ZRANB3: variants seen among roughly 807,000 people sequenced by gnomAD.
ZRANB3 encodes the protein zinc finger RANBP2-type containing 3.
Under a neutral mutation model 133.8 loss-of-function variants are expected in ZRANB3, and 125 were observed. The observed-to-expected ratio is 0.93, with a 90% CI of 0.81 to 1.08. ZRANB3 has a LOEUF of 1.08. Among genes scored for constraint, ZRANB3 ranks in the 50% least tolerant of loss-of-function variants. The probability of loss-of-function intolerance (pLI) is 0.00; values close to 1 mark genes in which losing one functional copy is unlikely to be tolerated. For synonymous variants in ZRANB3, 387 were observed against 432.7 expected, an observed-to-expected ratio of 0.89 and a Z score of 1.31; for missense variants, 1,229 against 1,275.5, an observed-to-expected ratio of 0.96 and a Z score of 0.56.
chr2:135,232,420 C>T (rs567715822), intron 12 of ZRANB3, among the ~76,000 whole-genome samples: 2 of 152,306 alleles, frequency 1.3e-5, no homozygotes, highest in South Asian at 2.1e-4. Context: ...CTTAAATGTC[C>T]CTGTCTGACA....
Position 135,500,827 on chromosome 2 carries a change from G to A in ZRANB3, c.161+3502C>T, listed in dbSNP as rs150258231. ...GGTTAAACAGCAGATTAGACCAGCC[G>A]GTTGTGAATTCTATGAGAGAACTTG... is the stretch of plus-strand genomic sequence containing the variant. On this transcript the variant is annotated intron_variant, in intron 2 of 20. Coordinates refer to ENST00000264159, the MANE Select transcript of ZRANB3 (RefSeq NM_032143.4). Among the ~76,000 whole-genome samples the A allele has an allele frequency of 1.9e-3, 288 of 150,704 alleles. 8 individuals carry two copies. The Middle Eastern group carries it at 0.099, about 52-fold the overall frequency.
At chr2:135,293,348 T>C (rs1377653175) in intron 8 of ZRANB3, among the ~76,000 whole-genome samples, 1 of 151,968 alleles carries the variant, frequency 6.6e-6, no homozygotes, top group Non-Finnish European at 1.5e-5. Context: ...TTTTACTCTC[T>C]TTGAAGCAAT....
intron 2 of ZRANB3, among the ~76,000 whole-genome samples, chr2:135,458,086 G>A (rs1186745331): frequency 6.6e-6 from 1 of 152,062 alleles, no homozygotes; most frequent in African/African-American, 2.4e-5. Flanking sequence ...GTGTAAAGTA[G>A]GGGTTTATAC....
At chr2:135,281,431 TCC>T (rs1220967524) in intron 8 of ZRANB3, among the ~76,000 whole-genome samples, 1 of 152,062 alleles carries the variant, frequency 6.6e-6, no homozygotes, top group African/African-American at 2.4e-5. Flanking sequence ...CATTTTCCTT[TCC>T]CCTGCAAATG....
chr2:135,370,826 G>A lies in ZRANB3; in HGVS notation c.181-17198C>T, dbSNP rs147512617. Among the ~76,000 whole-genome samples the A allele has an allele frequency of 1.6e-4, 25 of 152,264 alleles. No homozygotes were observed. The East Asian group carries it at 4.8e-3, about 29-fold the overall frequency. Reference sequence around the variant, plus strand: ...AATAATCTGCATGTGCCAAGGGTGGGACCAGGTGGAGGTAACTGGCTCATG... The same window carrying A: ...AATAATCTGCATGTGCCAAGGGTGGAACCAGGTGGAGGTAACTGGCTCATG... On this transcript the variant is annotated intron_variant, in intron 3 of 20. Transcript: ENST00000264159.
intron 6 of ZRANB3, among the ~76,000 whole-genome samples, chr2:135,336,184 A>G (rs1297734770): frequency 6.6e-6 from 1 of 152,226 alleles, no homozygotes; most frequent in Admixed American, 6.5e-5. Context: ...AAGTCAAACC[A>G]GGTAGCTGGT....
intron 12 of ZRANB3, among the ~76,000 whole-genome samples, chr2:135,248,275 C>T (rs1695891509): frequency 6.6e-6 from 1 of 152,196 alleles, no homozygotes; most frequent in Non-Finnish European, 1.5e-5. Flanking sequence ...AGCTATTGAG[C>T]CAGTAGCTGC....
chr2:135,420,861 T>C (rs1265218961), intron 2 of ZRANB3, among the ~76,000 whole-genome samples: 2 of 152,216 alleles, frequency 1.3e-5, no homozygotes, highest in Admixed American at 6.5e-5. Context: ...GCTAGATACA[T>C]ATTGTTCAGT....
chr2:135,323,640 T>C (rs1683650549), intron 6 of ZRANB3, among the ~76,000 whole-genome samples: 1 of 152,154 alleles, frequency 6.6e-6, no homozygotes, highest in Admixed American at 6.5e-5. Context: ...AGAGGGACAA[T>C]TTGATGATCA....
chr2:135,228,511 AG>A (rs1694853916), intron 13 of ZRANB3, among the ~76,000 whole-genome samples: 1 of 152,184 alleles, frequency 6.6e-6, no homozygotes, highest in African/African-American at 2.4e-5. Context: ...AAAGAAATAA[AG>A]GATCACTTTG....
chr2:135,380,227 C>T (rs1050286017), intron 3 of ZRANB3, among the ~76,000 whole-genome samples: 1 of 152,052 alleles, frequency 6.6e-6, no homozygotes, highest in African/African-American at 2.4e-5. Context: ...ACTTTTAAAA[C>T]CCCACTCACA....
At chr2:135,306,596 T>C (rs1323877725) in intron 8 of ZRANB3, among the ~76,000 whole-genome samples, 1 of 147,950 alleles carries the variant, frequency 6.8e-6, no homozygotes, top group East Asian at 2.0e-4. Context: ...CCGGCCTTTT[T>C]TTTTTTTTTT....
At chr2:135,233,686 C>G (rs1695144484) in intron 12 of ZRANB3, among the ~76,000 whole-genome samples, 2 of 152,122 alleles carry the variant, frequency 1.3e-5, no homozygotes, top group African/African-American at 2.4e-5. Context: ...TCATATCCAG[C>G]CAAACTAAGC....
chr2:135,369,552 G>GA (rs952653496), intron 3 of ZRANB3, among the ~76,000 whole-genome samples: 54 of 149,942 alleles, frequency 3.6e-4, no homozygotes, highest in African/African-American at 1.3e-3. Context: ...ACGAAGCTAA[G>GA]AATCAAGAAA....
intron 3 of ZRANB3, among the ~76,000 whole-genome samples, chr2:135,386,942 T>C (rs1348496736): frequency 6.6e-6 from 1 of 151,938 alleles, no homozygotes; most frequent in East Asian, 1.9e-4. Flanking sequence ...TATACCTATG[T>C]AACAAACCTG....
intron 15 of ZRANB3, among the ~76,000 whole-genome samples, chr2:135,221,236 C>A (rs1199175464): frequency 6.6e-6 from 1 of 152,126 alleles, no homozygotes; most frequent in Non-Finnish European, 1.5e-5. Flanking sequence ...GTCAACAACT[C>A]ATCTGCTTAG....
chr2:135,405,424 T>G (rs1460707692), intron 2 of ZRANB3, among the ~76,000 whole-genome samples: 1 of 152,056 alleles, frequency 6.6e-6, no homozygotes, highest in African/African-American at 2.4e-5. Context: ...GACAGAAAGT[T>G]AACAAGCATA....
intron 3 of ZRANB3, among the ~76,000 whole-genome samples, chr2:135,364,140 G>GGGAA (rs1321056513): frequency 2.0e-5 from 3 of 151,566 alleles, no homozygotes; most frequent in Admixed American, 6.6e-5. Flanking sequence ...GAAGGAGGGA[G>GGGAA]GGAAGGAAGG....
At chr2:135,496,442 A>C (rs1477547419) in intron 2 of ZRANB3, among the ~76,000 whole-genome samples, 4 of 151,692 alleles carry the variant, frequency 2.6e-5, no homozygotes, top group Non-Finnish European at 5.9e-5. Context: ...TTATTTATTA[A>C]AACAAAATTT....
Sources: allele counts gnomAD v4.1 joint callset (sites outside exome capture counted in the v4.1 genomes callset), GRCh38; gene constraint gnomAD v4.1.1; transcripts MANE v1.5; gene names NCBI Gene and HGNC (gene_info 2026-07-23, HGNC 2026-07-21).